The following ARSG variants were observed in gnomAD, a reference collection of about 807,000 sequenced individuals.
ARSG encodes the protein ASG.
A neutral mutation model predicts 50.5 loss-of-function variants in ARSG; 37 were observed. The observed-to-expected ratio is 0.73, with a 90% confidence interval of 0.56 to 0.96. The LOEUF is 0.96. Among genes scored for constraint, ARSG ranks in the 50% least tolerant of loss-of-function variants. The probability of loss-of-function intolerance (pLI) is 0.00; values close to 1 mark genes in which losing one functional copy is unlikely to be tolerated. For missense variants in ARSG, 629 were observed against 675.3 expected (o/e 0.93, Z 0.76); for synonymous variants, 225 against 254.6 (o/e 0.88, Z 1.11).
intron 6 of ARSG, among the ~76,000 whole-genome samples, chr17:68,360,068 C>T (rs1396915295): frequency 2.0e-5 from 3 of 152,120 alleles, no homozygotes; most frequent in South Asian, 2.1e-4. Flanking sequence ...GACTCGGGGC[C>T]GTTTAATGCC....
chr17:68,320,990 G>T (rs1290254736), intron 2 of ARSG, among the ~76,000 whole-genome samples: 1 of 152,118 alleles, frequency 6.6e-6, no homozygotes, highest in African/African-American at 2.4e-5. Flanking sequence ...AAGCTCAGCT[G>T]CCAGGAATCC....
intron 10 of ARSG, chr17:68,400,289 T>G (rs2081416960): frequency 6.6e-6 from 1 of 152,238 alleles, no homozygotes; most frequent in Admixed American, 6.5e-5. Context: ...TCGAGAACCC[T>G]GATTTAGGTG....
upstream of ARSG, among the ~76,000 whole-genome samples, chr17:68,289,068 G>A (rs529005014): frequency 7.2e-5 from 11 of 152,240 alleles, no homozygotes; most frequent in African/African-American, 2.4e-4. Flanking sequence ...AGTATTGGCC[G>A]GGTGCGGTAG....
intron 5 of ARSG, among the ~76,000 whole-genome samples, chr17:68,356,101 C>T (rs1244161548): frequency 6.6e-6 from 1 of 151,896 alleles, no homozygotes; most frequent in African/African-American, 2.4e-5. Context: ...AGGCTGGTCT[C>T]GAACTCCTGA....
intron 11 of ARSG, among the ~76,000 whole-genome samples, chr17:68,413,365 T>C (rs1339547862): frequency 6.6e-6 from 1 of 152,210 alleles, no homozygotes; most frequent in Non-Finnish European, 1.5e-5. Context: ...TGCAGGTCTG[T>C]TGGAGTACTG....
intron 1 of ARSG, chr17:68,268,911 A>G: frequency 7.2e-7 from 1 of 1,390,828 alleles, no homozygotes; most frequent in Non-Finnish European, 9.6e-7. Flanking sequence ...CAAAAAAAAA[A>G]AGCTTAAAAC....
intron 5 of ARSG, among the ~76,000 whole-genome samples, chr17:68,355,572 C>T (rs924555222): frequency 6.6e-6 from 1 of 152,148 alleles, no homozygotes; most frequent in African/African-American, 2.4e-5. Flanking sequence ...CCAGGCTGGT[C>T]TTGAACTCCT....
rs934267480 is a variant in ARSG at position 68,311,363 on chromosome 17, G to A, written c.218+3652G>A. On this transcript the variant is annotated intron_variant, in intron 2 of 11. Transcript: ENST00000621439. ...TCAGGAAAGCTTTCGTGGATGCCTC[G>A]GGTGTTCTGTGATGGTCCTTGCTGC... Among the ~76,000 whole-genome samples the A allele has an allele frequency of 5.3e-5, 8 of 152,074 alleles. No homozygotes were observed. In the East Asian group the frequency reaches 5.8e-4, roughly 11 times the overall value.
chr17:68,266,476 CTTT>C (rs113055013), intron 1 of ARSG, among the ~76,000 whole-genome samples: 11 of 102,610 alleles, frequency 1.1e-4, no homozygotes, highest in South Asian at 7.0e-4. Context: ...TATATATATA[CTTT>C]TTTTTTGTAT....
chr17:68,322,477 C>T (rs1361916508), intron 2 of ARSG, among the ~76,000 whole-genome samples: 1 of 152,058 alleles, frequency 6.6e-6, no homozygotes, highest in Non-Finnish European at 1.5e-5. Flanking sequence ...ATTAGCTGGG[C>T]ATGGTGTTGC....
chr17:68,287,388 G>A (rs540304440), upstream of ARSG, among the ~76,000 whole-genome samples: 32 of 151,574 alleles, frequency 2.1e-4, no homozygotes, highest in Middle Eastern at 3.4e-3. Flanking sequence ...TGGAACTCCC[G>A]GACTCAAGCG....
rs550203752 is a variant in ARSG at position 68,381,877 on chromosome 17, A to G, written c.983-3187A>G. Among the ~76,000 whole-genome samples, 101 of 151,034 alleles carry G rather than the reference A, an allele frequency of 6.7e-4. No individual in the cohort carries two copies. The highest frequency in any genetic ancestry group is 2.4e-3 in the African/African-American group (98 of 41,078). On this transcript the variant is annotated intron_variant, in intron 8 of 11. Coordinates refer to ENST00000621439, the MANE Select transcript of ARSG (RefSeq NM_001267727.2). This position sits in a 1 kb window ranked among gnomAD's most constrained non-coding sequence, Gnocchi z 4.1. Reference sequence around the variant, plus strand: ...TCTAATACATATTCAAAATGGAACCACCTCCCTAGGTTTAGTGAGTGAGGG... The same window carrying G: ...TCTAATACATATTCAAAATGGAACCGCCTCCCTAGGTTTAGTGAGTGAGGG...
At chr17:68,371,073 C>A (rs1343331698) in intron 8 of ARSG, among the ~76,000 whole-genome samples, 3 of 152,150 alleles carry the variant, frequency 2.0e-5, no homozygotes, top group Admixed American at 2.0e-4. Context: ...GTAATCCCAG[C>A]ACTTTGGGAA....
At chr17:68,292,374 A>C (rs1555756581) in intron 1 of ARSG, among the ~76,000 whole-genome samples, 2 of 152,164 alleles carry the variant, frequency 1.3e-5, no homozygotes, top group Admixed American at 6.5e-5. Flanking sequence ...ACCGTGAACT[A>C]AGCGGATGAT....
In ARSG at chr17:68,366,673, A is replaced by ATGTG. The variant is rs555888280; in HGVS notation, c.705-1872_705-1871insGTGT. Among the ~76,000 whole-genome samples, 387 of 134,994 alleles carry ATGTG rather than the reference A, an allele frequency of 2.9e-3. 1 individual carries two copies. The highest frequency in any genetic ancestry group is 7.0e-3 in the African/African-American group (255 of 36,188). 88.6% of individuals were successfully genotyped at this position (134,994 alleles called of 152,430 possible). A position where few individuals can be genotyped will look rare whatever the true frequency, so the allele number is the denominator to read the frequency against. ...GCATTTGAAATGTGGCTAGGAATTT[A>ATGTG]TGTATGTGTGTGTGTGTGTGTGTGT... On this transcript the variant is annotated intron_variant, in intron 6 of 11. Coordinates refer to ENST00000621439, the MANE Select transcript of ARSG (RefSeq NM_001267727.2).
chr17:68,450,912 A>C, the ARSG span: 12 of 1,608,330 alleles, frequency 7.5e-6, no homozygotes, highest in Non-Finnish European at 9.3e-6. Context: ...GAGGAAAAGC[A>C]GCCGGGAGGT....
At chr17:68,336,465 C>A (rs976933435) in intron 2 of ARSG, among the ~76,000 whole-genome samples, 1 of 152,152 alleles carries the variant, frequency 6.6e-6, no homozygotes, top group East Asian at 1.9e-4. Context: ...CCACCTTGGC[C>A]TCCCAAAATG....
downstream of ARSG, chr17:68,426,251 G>GGGGGGGGGGA: frequency 6.1e-6 from 5 of 825,460 alleles, 2 homozygotes; most frequent in South Asian, 2.6e-5. Flanking sequence ...GTGGGGAGCG[G>GGGGGGGGGGA]GGGCTCAAAT....
At chr17:68,341,657 C>T (rs1368008627) in intron 2 of ARSG, among the ~76,000 whole-genome samples, 1 of 152,138 alleles carries the variant, frequency 6.6e-6, no homozygotes, top group Non-Finnish European at 1.5e-5. Flanking sequence ...AATTACATGC[C>T]ATTGTGCATT....
Sources: gnomAD v4.1 joint callset for allele counts (sites outside exome capture counted in the v4.1 genomes callset) on GRCh38, gnomAD v4.1.1 for gene constraint, Gnocchi (gnomAD v3.1) non-coding constraint, MANE v1.5 for transcripts, NCBI Gene and HGNC (gene_info 2026-07-23, HGNC 2026-07-21) for gene names.